Variants in CHSY3 observed in about 807,000 individuals in gnomAD.
CHSY3 encodes N-acetylgalactosaminyl-proteoglycan 3-beta-glucuronosyltransferase 3.
In CHSY3, 35 loss-of-function variants were observed where a neutral mutation model predicts 67.2. The observed-to-expected ratio is 0.52, with a 90% CI of 0.40 to 0.69. The LOEUF is 0.69. Ranked by LOEUF, CHSY3 falls within the 30% of genes least tolerant of loss-of-function variation. CHSY3 has a pLI of 0.00. For synonymous variants in CHSY3, 474 were observed against 434.7 expected, an observed-to-expected ratio of 1.09 and a Z score of -1.12; for missense variants, 1,069 against 1,138.5, an observed-to-expected ratio of 0.94 and a Z score of 0.88.
At chr5:129,905,874 G>T in intron 1 of CHSY3, 30 of 840,018 alleles carry the variant, frequency 3.6e-5, no homozygotes, top group Admixed American at 1.3e-4. Context: ...CTCACTTGCT[G>T]TTTTCGGTGC....
At chr5:130,155,669 G>A (rs1460789606) in intron 2 of CHSY3, among the ~76,000 whole-genome samples, 1 of 152,190 alleles carries the variant, frequency 6.6e-6, no homozygotes, top group Non-Finnish European at 1.5e-5. Context: ...AATGTTTCCA[G>A]ATGGTTTAGG....
At chr5:130,015,099 C>T (rs1396008155) in intron 2 of CHSY3, among the ~76,000 whole-genome samples, 1 of 152,048 alleles carries the variant, frequency 6.6e-6, no homozygotes, top group Non-Finnish European at 1.5e-5. Context: ...GTGGATTTCC[C>T]CCTTGTTTTT....
At chr5:130,176,495 A>G (rs187252562) in intron 2 of CHSY3, among the ~76,000 whole-genome samples, 1 of 152,342 alleles carries the variant, frequency 6.6e-6, no homozygotes, top group East Asian at 1.9e-4. Flanking sequence ...ATTACTGGGT[A>G]TATACCCAAA....
intron 2 of CHSY3, among the ~76,000 whole-genome samples, chr5:130,078,272 A>G (rs1766336393): frequency 6.6e-6 from 1 of 152,086 alleles, no homozygotes; most frequent in Non-Finnish European, 1.5e-5. Flanking sequence ...CTTGGGCTTC[A>G]GAAACACCAA....
At position 129,904,767 on chromosome 5, in the gene CHSY3, G is replaced by A. The variant is rs1483444725; in HGVS notation, c.-63G>A. The A allele has an allele frequency of 7.7e-7, 1 of 1,300,068 alleles. No homozygotes were observed. The highest frequency in any genetic ancestry group is 3.9e-5 in the Admixed American group (1 of 25,678). 80.5% of individuals were successfully genotyped at this position (1,300,068 alleles called of 1,614,324 possible). On this transcript the variant is annotated 5_prime_UTR_variant, in exon 1 of 3. Coordinates refer to ENST00000305031, the MANE Select transcript of CHSY3 (RefSeq NM_175856.5). ...AAAGGCGGAGGAGGGGCGGGTGTGAGCCGGGGAAACCGCGTGCCGCGCCGC... is the reference window on the plus strand; with the variant it reads ...AAAGGCGGAGGAGGGGCGGGTGTGAACCGGGGAAACCGCGTGCCGCGCCGC...
intron 2 of CHSY3, among the ~76,000 whole-genome samples, chr5:130,016,794 G>A (rs1764231913): frequency 6.6e-6 from 1 of 152,160 alleles, no homozygotes; most frequent in Non-Finnish European, 1.5e-5. Flanking sequence ...TTAGGCATGC[G>A]ACTATGCTAG....
chr5:130,018,942 C>A (rs532641807), intron 2 of CHSY3, among the ~76,000 whole-genome samples: 1 of 152,192 alleles, frequency 6.6e-6, no homozygotes, highest in South Asian at 2.1e-4. Flanking sequence ...TCCCTCTGTG[C>A]ATGTGTGCCC....
intron 2 of CHSY3, among the ~76,000 whole-genome samples, chr5:130,158,980 T>G (rs1225398618): frequency 6.6e-6 from 1 of 151,948 alleles, no homozygotes; most frequent in Non-Finnish European, 1.5e-5. Flanking sequence ...TTTCTATTTT[T>G]TGTAGAGACG....
intron 2 of CHSY3, among the ~76,000 whole-genome samples, chr5:130,135,869 CG>C (rs1768644519): frequency 6.6e-6 from 1 of 152,048 alleles, no homozygotes; most frequent in Non-Finnish European, 1.5e-5. Context: ...TATTATTTTG[CG>C]TATATAATTG....
intron 2 of CHSY3, among the ~76,000 whole-genome samples, chr5:130,133,810 A>AAG (rs371266760): frequency 7.4e-6 from 1 of 134,846 alleles, no homozygotes; most frequent in Non-Finnish European, 1.6e-5. Context: ...AAAAAAAAAA[A>AAG]GGCTGTCAAC....
intron 2 of CHSY3, among the ~76,000 whole-genome samples, chr5:130,166,460 A>G (rs1029186678): frequency 1.3e-5 from 2 of 152,150 alleles, no homozygotes; most frequent in African/African-American, 4.8e-5. Flanking sequence ...AGTTATACTT[A>G]GTCTCCAGTA....
intron 2 of CHSY3, among the ~76,000 whole-genome samples, chr5:130,087,305 C>G (rs1485346375): frequency 6.6e-6 from 1 of 152,138 alleles, no homozygotes; most frequent in Non-Finnish European, 1.5e-5. Context: ...TGAAAACTGA[C>G]ACAAGACAGG....
At chr5:129,995,794 C>A (rs1316050399) in intron 2 of CHSY3, among the ~76,000 whole-genome samples, 1 of 152,086 alleles carries the variant, frequency 6.6e-6, no homozygotes, top group East Asian at 1.9e-4. Context: ...AATACACAGG[C>A]TTTAAGATTA....
chr5:130,150,135 T>A (rs769222373), intron 2 of CHSY3, among the ~76,000 whole-genome samples: 1 of 152,136 alleles, frequency 6.6e-6, no homozygotes, highest in South Asian at 2.1e-4. Context: ...AATGAAAAAT[T>A]ATTAGAAAGT....
intron 2 of CHSY3, among the ~76,000 whole-genome samples, chr5:130,137,471 A>G (rs1243188928): frequency 6.6e-6 from 1 of 152,106 alleles, no homozygotes; most frequent in Non-Finnish European, 1.5e-5. Flanking sequence ...GCACTATATT[A>G]TATATATTGG....
intron 2 of CHSY3, among the ~76,000 whole-genome samples, chr5:130,128,112 A>C (rs1395526248): frequency 6.6e-6 from 1 of 152,156 alleles, no homozygotes; most frequent in Non-Finnish European, 1.5e-5. Flanking sequence ...ATACTGAGTA[A>C]TGAAAATAGC....
chr5:130,073,775 A>G (rs1343616051), intron 2 of CHSY3, among the ~76,000 whole-genome samples: 3 of 152,164 alleles, frequency 2.0e-5, no homozygotes, highest in African/African-American at 4.8e-5. Flanking sequence ...AATCTATTGT[A>G]TATAGTTTGC....
chr5:129,922,326 T>A (rs145968568), intron 2 of CHSY3, among the ~76,000 whole-genome samples: 2 of 152,376 alleles, frequency 1.3e-5, no homozygotes, highest in African/African-American at 2.4e-5. Flanking sequence ...AATGTACTGA[T>A]AACATTCTCC....
chr5:130,120,486 GAAAAAAA>G (rs34727574), intron 2 of CHSY3, among the ~76,000 whole-genome samples: 1,430 of 95,842 alleles, frequency 0.015, 28 homozygotes, highest in African/African-American at 0.046. Context: ...ATTTCTGAAA[GAAAAAAA>G]AAAAAAAAAA....
Sources: gnomAD v4.1 joint callset for allele counts (sites outside exome capture counted in the v4.1 genomes callset) on GRCh38, gnomAD v4.1.1 for gene constraint, MANE v1.5 for transcripts, NCBI Gene and HGNC (gene_info 2026-07-23, HGNC 2026-07-21) for gene names.